COPS9: variants seen among roughly 807,000 people sequenced by gnomAD.
COPS9 encodes the protein COP9 signalosome subunit 9.
COPS9 carries 8 observed loss-of-function variants against 7.2 expected under a neutral mutation model. That is an observed-to-expected ratio of 1.11 (90% CI 0.65 to 2.00). The LOEUF (loss-of-function observed/expected upper bound fraction) is 2.00. Among genes scored for constraint, COPS9 ranks in the 30% most tolerant of loss-of-function variants. The pLI, the probability that COPS9 is intolerant of heterozygous loss-of-function variation, is 0.00. For synonymous variants in COPS9, 39 were observed against 28.7 expected, an observed-to-expected ratio of 1.36 and a Z score of -1.14; for missense variants, 74 against 77.7, an observed-to-expected ratio of 0.95 and a Z score of 0.18.
downstream of COPS9, among the ~76,000 whole-genome samples, chr2:240,130,291 C>T (rs2071908808): frequency 6.6e-6 from 1 of 152,308 alleles, no homozygotes; most frequent in South Asian, 2.1e-4. Flanking sequence ...CGTCTCCTGG[C>T]CTGAGAAACA....
At chr2:240,127,131 CTAG>C (rs2071874181), downstream of COPS9, among the ~76,000 whole-genome samples, 1 of 152,196 alleles carries the variant, frequency 6.6e-6, no homozygotes, top group South Asian at 2.1e-4. Context: ...CACAGGCTTG[CTAG>C]TAATAATTAA....
rs569951312 is a variant in COPS9, at chr2:240,132,391, A to T, written c.137-1303T>A. On this transcript the variant is annotated intron_variant, in intron 2 of 2. Transcript: ENST00000607357. The surrounding 1 kb of genome is among the most constrained non-coding windows in gnomAD (Gnocchi z 4.1). Reference sequence around the variant, plus strand: ...TCAAAGTAAATGGCTTCTTGAACACATGGGGTTGTCACAACCTGATGGGAC... The same window carrying T: ...TCAAAGTAAATGGCTTCTTGAACACTTGGGGTTGTCACAACCTGATGGGAC... Among the ~76,000 whole-genome samples, 2 of 152,260 alleles carry T rather than the reference A, an allele frequency of 1.3e-5. No homozygotes were observed. The highest frequency in any genetic ancestry group is 1.3e-4 in the Admixed American group (2 of 15,300).
chr2:240,136,289 G>C lies in COPS9; in HGVS notation c.-5C>G, dbSNP rs1574950075. The C allele has an allele frequency of 1.9e-6, 3 of 1,562,760 alleles. No homozygotes were observed. Among genetic ancestry groups the C allele is most frequent in the East Asian group, 5.2e-5 (2 of 38,688 alleles). ...CTCGTCCACCGCCGGCTTCATCTCG[G>C]GGCCGCGGCGCTCTAGGCTCACTTC... On this transcript the variant is annotated 5_prime_UTR_variant, in exon 1 of 3. Transcript: ENST00000607357.
downstream of COPS9, chr2:240,126,879 T>A (rs764954667): frequency 1.2e-6 from 2 of 1,614,188 alleles, no homozygotes; most frequent in African/African-American, 1.3e-5. Context: ...CCCCTGCCCA[T>A]GGCCTGTGCT....
rs763913856 is a variant in COPS9, at chr2:240,132,020, C to G, written c.137-932G>C. 3.3e-5 allele frequency among the ~76,000 whole-genome samples: 5 copies of G among 152,190 alleles called. No homozygotes were observed. The highest frequency in any genetic ancestry group is 3.3e-4 in the Admixed American group (5 of 15,290). On this transcript the variant is annotated intron_variant, in intron 2 of 2. Transcript: ENST00000607357. This position sits in a 1 kb window ranked among gnomAD's most constrained non-coding sequence, Gnocchi z 4.1. The stretch of plus-strand genomic sequence containing the variant: ...GCACCCCCACGTCCTCACTGCCTCC[C>G]GACTGCTGGTTGTGGTTCGCCGCTA...
At position 240,132,647 on chromosome 2, in the gene COPS9, G is replaced by A. The variant is rs1266817778; in HGVS notation, c.136+1286C>T. Among the ~76,000 whole-genome samples, 1 of 152,190 alleles carries A rather than the reference G, an allele frequency of 6.6e-6. No homozygotes were observed. The highest frequency in any genetic ancestry group is 2.4e-5 in the African/African-American group (1 of 41,442). Reference sequence around the variant, plus strand: ...ACTCAAACACTAGAACACAGCAATCGCCTCTAACCAATGGGCTGGCAGAGG... The same window carrying A: ...ACTCAAACACTAGAACACAGCAATCACCTCTAACCAATGGGCTGGCAGAGG... On this transcript the variant is annotated intron_variant, in intron 2 of 2. Transcript: ENST00000607357. This position sits in a 1 kb window ranked among gnomAD's most constrained non-coding sequence, Gnocchi z 4.1.
At chr2:240,136,051 G>T in intron 1 of COPS9, 171 bp downstream of exon 1, 1 of 1,109,928 alleles carries the variant, frequency 9.0e-7, no homozygotes, top group Non-Finnish European at 1.2e-6. Flanking sequence ...CCTTTCACCA[G>T]GTGCTCGGAG....
chr2:240,136,101 G>A, intron 1 of COPS9, 121 bp downstream of exon 1: 1 of 1,309,922 alleles, frequency 7.6e-7, no homozygotes, highest in Non-Finnish European at 9.8e-7. Context: ...GAGCCTGGGA[G>A]CCGCGCCCAT....
chr2:240,128,257 CTG>C (rs1424823800), downstream of COPS9, among the ~76,000 whole-genome samples: 2 of 152,178 alleles, frequency 1.3e-5, no homozygotes, highest in African/African-American at 4.8e-5. Context: ...GAGAAAGAAA[CTG>C]TTGTGGAGAA....
chr2:240,134,675 ACCTGC>A (rs2071956680), intron 1 of COPS9, among the ~76,000 whole-genome samples: 2 of 152,094 alleles, frequency 1.3e-5, no homozygotes, highest in South Asian at 4.1e-4. Flanking sequence ...GCTTGCTCAG[ACCTGC>A]CCTGATCCCC....
downstream of COPS9, chr2:240,130,003 G>A (rs1393446407): frequency 3.1e-6 from 5 of 1,613,694 alleles, no homozygotes; most frequent in African/African-American, 5.3e-5. Context: ...GAGGACTGCT[G>A]GCTTGTCCTG....
chr2:240,136,322 A>G, upstream of COPS9: 1 of 1,531,624 alleles, frequency 6.5e-7, no homozygotes, highest in Non-Finnish European at 8.8e-7. Context: ...TTCCGGCCTC[A>G]GAGCCGCTTC....
downstream of COPS9, chr2:240,130,763 C>T (rs1028474040): frequency 1.5e-5 from 20 of 1,318,180 alleles, no homozygotes; most frequent in Non-Finnish European, 1.8e-5. Context: ...CACACACAAA[C>T]ACACAGAGAC....
At chr2:240,135,957 G>C in intron 1 of COPS9, 1 of 507,782 alleles carries the variant, frequency 2.0e-6, no homozygotes. Flanking sequence ...GGCCGTGGGG[G>C]CACCCAGCAG....
downstream of COPS9, chr2:240,129,873 G>A (rs2071903185): frequency 1.3e-6 from 2 of 1,565,780 alleles, no homozygotes; most frequent in Non-Finnish European, 1.8e-6. Flanking sequence ...TCAACGTGCG[G>A]CCCAGTGCAG....
In COPS9 at chr2:240,130,923, C is replaced by A; in HGVS notation, c.*128G>T. On this transcript the variant is annotated 3_prime_UTR_variant, in exon 3 of 3. Transcript: ENST00000607357. ...GGTCGTTAAGAACAGTCTTATCTTT[C>A]TGGTTAACCAGGTCCTAAATTCAAG... 1 of 1,480,908 alleles carries A rather than the reference C, an allele frequency of 6.8e-7. No homozygotes were observed. Among genetic ancestry groups the A allele is most frequent in the Non-Finnish European group, 9.0e-7 (1 of 1,115,828 alleles). The allele number at this position is 1,480,908 out of a possible 1,614,324, so 91.7% of individuals were successfully genotyped here.
downstream of COPS9, among the ~76,000 whole-genome samples, chr2:240,129,545 CCA>C (rs1187577017): frequency 2.6e-4 from 40 of 152,306 alleles, no homozygotes; most frequent in African/African-American, 8.9e-4. Context: ...CTGAGTGTAG[CCA>C]CAGCCCTTAC....
At position 240,130,834 on chromosome 2, in the gene COPS9, T is replaced by G. The variant is rs947466056; in HGVS notation, c.*217A>C. 7.1e-7 allele frequency: 1 copy of G among 1,401,970 alleles called. No homozygotes were observed. The highest frequency in any genetic ancestry group is 1.7e-5 in the South Asian group (1 of 57,730). The allele number at this position is 1,401,970 out of a possible 1,614,324, so 86.8% of individuals were successfully genotyped here. On this transcript the variant is annotated 3_prime_UTR_variant, in exon 3 of 3. Transcript: ENST00000607357. Reference sequence around the variant, plus strand: ...AAAGAGATCACTCCACATGTGACATTGCTTTCTTTTAATTGGAGTGAGGAC... The same window carrying G: ...AAAGAGATCACTCCACATGTGACATGGCTTTCTTTTAATTGGAGTGAGGAC...
rs748883853 is a variant in COPS9 at position 240,136,225 on chromosome 2, G to C, written c.60C>G (p.Asp20Glu). 6.4e-7 allele frequency: 1 copy of C among 1,555,218 alleles called. No individual in the cohort carries two copies. Among genetic ancestry groups the C allele is most frequent in the Non-Finnish European group, 8.7e-7 (1 of 1,154,912 alleles). Residue 20 changes from aspartate (D) to glutamate (E), a missense_variant, in exon 1 of 3, where the codon GAC (aspartate) becomes GAG (glutamate). By Grantham distance (45) the Asp-to-Glu change is conservative. Coordinates refer to ENST00000607357, the MANE Select transcript of COPS9 (RefSeq NM_001163424.2). Reference protein sequence around the residue: ...PEGAGPYVDLDEAGGSTGLLM... With the variant: ...PEGAGPYVDLEEAGGSTGLLM... ...ACTCCCGCCGGGCCCGTGCCACCTC[G>C]TCCAGGTCCACGTAGGGCCCGGCGC...
Sources: allele counts gnomAD v4.1 joint callset (sites outside exome capture counted in the v4.1 genomes callset), GRCh38; gene constraint gnomAD v4.1.1; non-coding constraint Gnocchi (gnomAD v3.1); transcripts MANE v1.5; gene names NCBI Gene and HGNC (gene_info 2026-07-23, HGNC 2026-07-21).